FZD6: variants seen among roughly 807,000 people sequenced by gnomAD.
FZD6 encodes the protein frizzled class receptor 6, also known as frizzled-6.
FZD6 carries 49 observed loss-of-function variants against 61.4 expected under a neutral mutation model. That is an observed-to-expected ratio of 0.80 (90% CI 0.63 to 1.01). The LOEUF is 1.01. Among genes scored for constraint, FZD6 ranks in the 50% least tolerant of loss-of-function variants. The probability of loss-of-function intolerance (pLI) is 0.00; values close to 1 mark genes in which losing one functional copy is unlikely to be tolerated. For synonymous variants in FZD6, 265 were observed against 292.2 expected, an observed-to-expected ratio of 0.91 and a Z score of 0.95; for missense variants, 724 against 848.2, an observed-to-expected ratio of 0.85 and a Z score of 1.82.
In FZD6 at chr8:103,328,373, T is replaced by C; in HGVS notation, c.1498T>C (p.Cys500Arg). ...AVFWVGSKKT[C>R]TEWAGFFKRN... ...CTTCTGGGTTGGAAGCAAAAAGACA[T>C]GCACAGAATGGGCTGGGTTTTTTAA... The change falls in exon 5 of 7, where the codon TGC becomes CGC. Residue 500 changes from cysteine to arginine, a missense_variant. By Grantham distance (180) the Cys-to-Arg change is radical (BLOSUM62 -3). Transcript: ENST00000358755. The C allele has an allele frequency of 6.2e-7, 1 of 1,612,780 alleles. No individual in the cohort carries two copies. The highest frequency in any genetic ancestry group is 8.5e-7 in the Non-Finnish European group (1 of 1,178,918).
chr8:103,325,100 T>C lies in FZD6; in HGVS notation c.994T>C (p.Trp332Arg), dbSNP rs1814909186. The change falls in exon 4 of 7, where the codon TGG becomes CGG. Residue 332 changes from tryptophan (W) to arginine (R), a missense_variant. Physicochemically the swap from Trp to Arg is moderately radical, Grantham distance 101. Coordinates refer to ENST00000358755, the MANE Select transcript of FZD6 (RefSeq NM_003506.4). ...QKAVWFHAVA[W>R]GTPGFLTVML... ...AGCAGTGTGGTTTCATGCTGTTGCA[T>C]GGGGAACACCAGGTTTCCTGACTGT... is the stretch of plus-strand genomic sequence containing the variant. 4 of 1,614,204 alleles carry C rather than the reference T, an allele frequency of 2.5e-6. No homozygotes were observed. In the South Asian group the frequency reaches 4.4e-5, roughly 18 times the overall value.
At chr8:103,307,845 G>A (rs142233358) in intron 2 of FZD6, 2 of 456,098 alleles carry the variant, frequency 4.4e-6, no homozygotes, top group East Asian at 6.9e-5. Context: ...AGCTCAGGCT[G>A]TAAGGAAACA....
intron 2 of FZD6, among the ~76,000 whole-genome samples, chr8:103,302,969 A>G (rs1814215457): frequency 6.6e-6 from 1 of 152,210 alleles, no homozygotes; most frequent in South Asian, 2.1e-4. Flanking sequence ...ACAAAACAAA[A>G]TGAAAACAAC....
chr8:103,329,013 T>TTATATA (rs55730772), intron 5 of FZD6, among the ~76,000 whole-genome samples: 2,209 of 115,122 alleles, frequency 0.019, 86 homozygotes, highest in African/African-American at 0.046. Context: ...CATTTTAGTT[T>TTATATA]TATATATATA....
At chr8:103,327,175 A>G (rs1400270230) in intron 4 of FZD6, among the ~76,000 whole-genome samples, 1 of 152,272 alleles carries the variant, frequency 6.6e-6, no homozygotes, top group Non-Finnish European at 1.5e-5. Context: ...TGAGAAATTA[A>G]ATAATACCAA....
Position 103,331,513 on chromosome 8 carries a change from A to T in FZD6, c.*4A>T. ...TGGTTGTCATTCAGATACTTGAAGA[A>T]CATTTTCTCTCGTTACTCAGAAGCA... On this transcript the variant is annotated 3_prime_UTR_variant, in exon 7 of 7. Coordinates refer to ENST00000358755, the MANE Select transcript of FZD6 (RefSeq NM_003506.4). The T allele has an allele frequency of 6.2e-7, 1 of 1,600,762 alleles. No homozygotes were observed. Among genetic ancestry groups the T allele is most frequent in the Non-Finnish European group, 8.6e-7 (1 of 1,167,898 alleles).
At chr8:103,324,203 T>A (rs1814871833) in intron 3 of FZD6, among the ~76,000 whole-genome samples, 2 of 152,302 alleles carry the variant, frequency 1.3e-5, no homozygotes, top group African/African-American at 2.4e-5. Context: ...ATTTTAAAAT[T>A]ATGAATTGGC....
At chr8:103,327,907 G>C (rs1424424865) in intron 4 of FZD6, among the ~76,000 whole-genome samples, 1 of 152,042 alleles carries the variant, frequency 6.6e-6, no homozygotes, top group Non-Finnish European at 1.5e-5. Flanking sequence ...ATGTATTTTT[G>C]TGGTAGATTA....
chr8:103,318,801 T>C lies in FZD6; in HGVS notation c.374+15T>C, dbSNP rs932554987. ...GAATGTGACAGGTAAACAATGTTTT[T>C]CATGGAAAGCTACTAATGGTATTTT... On this transcript the variant is annotated intron_variant, in intron 3 of 6. Transcript: ENST00000358755. 1.4e-6 allele frequency: 2 copies of C among 1,474,578 alleles called. No homozygotes were observed. The highest frequency in any genetic ancestry group is 1.9e-6 in the Non-Finnish European group (2 of 1,052,782). 91.3% of individuals were successfully genotyped at this position (1,474,578 alleles called of 1,614,324 possible).
rs186661746 is a variant in FZD6 at position 103,319,032 on chromosome 8, A to G, written c.374+246A>G. 7.9e-4 allele frequency among the ~76,000 whole-genome samples: 121 copies of G among 152,354 alleles called. 1 individual carries two copies. The highest frequency in any genetic ancestry group is 3.4e-3 in the Middle Eastern group (1 of 294). On this transcript the variant is annotated intron_variant, in intron 3 of 6. Coordinates refer to ENST00000358755, the MANE Select transcript of FZD6 (RefSeq NM_003506.4). ...AGACAGTAATCAAATAATTATGCAA[A>G]TAAGTGCAAAATTATGACTGTGATA...
At position 103,324,819 on chromosome 8, in the gene FZD6, C is replaced by G; in HGVS notation, c.713C>G (p.Ser238Cys). The change falls in exon 4 of 7, where the codon TCT becomes TGT. Residue 238 changes from serine (S) to cysteine (C), a missense_variant. Ser to Cys is a moderately radical substitution (Grantham distance 112). Coordinates refer to ENST00000358755, the MANE Select transcript of FZD6 (RefSeq NM_003506.4). ...CCAGAGAGACCAATTATATATTACT[C>G]TGTCTGTTACAGCATTGTATCTCTT... ...RYPERPIIYY[S>C]VCYSIVSLMY... 4 of 1,612,886 alleles carry G rather than the reference C, an allele frequency of 2.5e-6. No homozygotes were observed. Among genetic ancestry groups the G allele is most frequent in the Non-Finnish European group, 3.4e-6 (4 of 1,178,894 alleles).
chr8:103,302,863 T>C lies in FZD6; in HGVS notation c.177+2579T>C, dbSNP rs115054566. On this transcript the variant is annotated intron_variant, in intron 2 of 6. Coordinates refer to ENST00000358755, the MANE Select transcript of FZD6 (RefSeq NM_003506.4). The stretch of plus-strand genomic sequence containing the variant: ...GTCCCATCTACTCTGGAGGCTGAGG[T>C]GGGAGGATCACTTAAGCCCAAGAGT... 6.5e-3 allele frequency among the ~76,000 whole-genome samples: 994 copies of C among 152,196 alleles called. 16 individuals are homozygous for C. The highest frequency in any genetic ancestry group is 0.022 in the African/African-American group (914 of 41,526).
rs770418746 is a variant in FZD6 at position 103,318,737 on chromosome 8, T to C, written c.325T>C (p.Leu109=). Residue 109 remains leucine, a synonymous_variant, in exon 3 of 7, where the codon TTA becomes CTA. Transcript: ENST00000358755. ...CEKVYSDCKK[L]IDTFGIRWPE... ...GAAAGTATATTCTGATTGCAAAAAA[T>C]TAATTGACACTTTTGGGATCCGATG... 1 of 1,611,534 alleles carries C rather than the reference T, an allele frequency of 6.2e-7. No individual in the cohort carries two copies. Among genetic ancestry groups the C allele is most frequent in the African/African-American group, 1.3e-5 (1 of 74,896 alleles).
chr8:103,322,113 A>C (rs1023595339), intron 3 of FZD6, among the ~76,000 whole-genome samples: 3 of 152,224 alleles, frequency 2.0e-5, no homozygotes, highest in Admixed American at 6.5e-5. Flanking sequence ...AAACGTTACA[A>C]ACATGCTTAA....
Position 103,328,378 on chromosome 8 carries a change from A to G in FZD6, c.1503A>G (p.Thr501=). The G allele has an allele frequency of 4.3e-6, 7 of 1,613,182 alleles. No individual in the cohort carries two copies. Among genetic ancestry groups the G allele is most frequent in the Non-Finnish European group, 5.1e-6 (6 of 1,179,232 alleles). ...GGGTTGGAAGCAAAAAGACATGCAC[A>G]GAATGGGCTGGGTTTTTTAAACGAA... The part of the protein sequence containing the change: ...VFWVGSKKTC[T]EWAGFFKRNR... The change falls in exon 5 of 7, where the codon ACA becomes ACG. Residue 501 remains threonine, a synonymous_variant. Coordinates refer to ENST00000358755, the MANE Select transcript of FZD6 (RefSeq NM_003506.4).
At chr8:103,315,740 C>T (rs1026829211) in intron 2 of FZD6, among the ~76,000 whole-genome samples, 1 of 152,180 alleles carries the variant, frequency 6.6e-6, no homozygotes, top group Non-Finnish European at 1.5e-5. Flanking sequence ...ACACTTTATA[C>T]ATGTTCAGTT....
chr8:103,329,030 T>TATATATATATATATATATATATATATAC (rs1815045954), intron 5 of FZD6, among the ~76,000 whole-genome samples: 1 of 145,966 alleles, frequency 6.9e-6, no homozygotes, highest in African/African-American at 2.5e-5. Context: ...TATATATATA[T>TATATATATATATATATATATATATATAC]ATGCACACAC....
Position 103,329,978 on chromosome 8 carries a change from C to G in FZD6, c.1865C>G (p.Ala622Gly), listed in dbSNP as rs751060280. 3.1e-6 allele frequency: 5 copies of G among 1,613,974 alleles called. No homozygotes were observed. In the South Asian group the frequency reaches 4.4e-5, roughly 14 times the overall value. Residue 622 changes from alanine to glycine, a missense_variant, in exon 6 of 7, where the codon GCA becomes GGA. Physicochemically the swap from Ala to Gly is moderately conservative, Grantham distance 60. Coordinates refer to ENST00000358755, the MANE Select transcript of FZD6 (RefSeq NM_003506.4). ...GACTGTGGTGAACCTGCCTCGCCAG[C>G]AGCATCCATCTCCAGACTCTCTGGG... ...EQDCGEPASP[A>G]ASISRLSGEQ...
Position 103,325,388 on chromosome 8 carries a change from T to C in FZD6, c.1282T>C (p.Leu428=), listed in dbSNP as rs1164681500. Residue 428 remains leucine (L), a synonymous_variant, in exon 4 of 7, where the codon TTA becomes CTA. Coordinates refer to ENST00000358755, the MANE Select transcript of FZD6 (RefSeq NM_003506.4). ...GVFSGLYLVP[L]VTLLGCYVYE... is the part of the protein sequence containing the mutation. ...CTTCAGCGGCTTGTATCTTGTGCCA[T>C]TAGTGACACTTCTCGGATGTTACGT... 1 of 1,613,608 alleles carries C rather than the reference T, an allele frequency of 6.2e-7. No homozygotes were observed. The highest frequency in any genetic ancestry group is 1.7e-5 in the Admixed American group (1 of 60,030).
Sources: gnomAD v4.1 joint callset for allele counts (sites outside exome capture counted in the v4.1 genomes callset) on GRCh38, gnomAD v4.1.1 for gene constraint, MANE v1.5 for transcripts, NCBI Gene and HGNC (gene_info 2026-07-23, HGNC 2026-07-21) for gene names.